IMPG1: variants seen among roughly 807,000 people sequenced by gnomAD.
IMPG1 encodes interphotoreceptor matrix proteoglycan 1.
A neutral mutation model predicts 92.0 loss-of-function variants in IMPG1; 85 were observed. The ratio of observed to expected loss-of-function variants is 0.92; its 90% CI spans 0.78 to 1.11. The LOEUF is 1.11. Among genes scored for constraint, IMPG1 ranks in the 50% least tolerant of loss-of-function variants. The pLI is 0.00. For missense variants in IMPG1, 1,022 were observed against 956.0 expected (o/e 1.07, Z -0.91); for synonymous variants, 367 against 334.1 (o/e 1.10, Z -1.08).
chr6:75,973,299 C>CG (rs1782453777), intron 12 of IMPG1, among the ~76,000 whole-genome samples: 1 of 130,702 alleles, frequency 7.7e-6, no homozygotes, highest in Non-Finnish European at 1.7e-5. Flanking sequence ...CTTTCCCCCC[C>CG]GCCCAAAACT....
chr6:76,005,484 G>T lies in IMPG1; in HGVS notation c.938C>A (p.Ala313Glu). ...QLTAIFKRHS[A>E]EAKSPASDLL... ...GTCACTTGCAGGGCTTTTTGCTTCTGCACTGTGTCTCTTAAAGATGGCCGT... is the reference window on the plus strand; with the variant it reads ...GTCACTTGCAGGGCTTTTTGCTTCTTCACTGTGTCTCTTAAAGATGGCCGT... The change falls in exon 10 of 17, where the codon GCA becomes GAA. Residue 313 changes from alanine to glutamate, a missense_variant. Around this residue, in one of 3 missense-constraint regions of IMPG1, gnomAD observed 681 missense variants for 583.6 expected, o/e 1.17. Transcript: ENST00000369950. The T allele has an allele frequency of 6.2e-7, 1 of 1,613,898 alleles. No homozygotes were observed. Among genetic ancestry groups the T allele is most frequent in the Non-Finnish European group, 8.5e-7 (1 of 1,179,900 alleles).
intron 13 of IMPG1, among the ~76,000 whole-genome samples, chr6:75,947,971 C>T (rs1195089172): frequency 1.3e-5 from 2 of 152,160 alleles, no homozygotes; most frequent in Admixed American, 6.5e-5. Flanking sequence ...TTTGAAATGA[C>T]CTATTAAAAC....
chr6:75,974,521 A>G (rs1184108414), intron 12 of IMPG1, among the ~76,000 whole-genome samples: 16 of 144,104 alleles, frequency 1.1e-4, no homozygotes, highest in African/African-American at 3.9e-4. Context: ...CCAGGCTGGA[A>G]TGCAATGGCG....
chr6:75,962,483 C>T (rs373978708), intron 12 of IMPG1, among the ~76,000 whole-genome samples: 4 of 152,180 alleles, frequency 2.6e-5, no homozygotes, highest in East Asian at 1.9e-4. Flanking sequence ...TACCAAATTT[C>T]TTAACCTGAC....
chr6:75,990,309 C>T (rs1782793198), intron 12 of IMPG1, among the ~76,000 whole-genome samples: 2 of 152,144 alleles, frequency 1.3e-5, no homozygotes, highest in African/African-American at 4.8e-5. Context: ...AACGGGCCAA[C>T]TAGCAATGAA....
rs753636102 is a variant in IMPG1, at chr6:75,950,675, G to A, written c.1711C>T (p.Arg571Ter). ...TSSMTIAPKG[R>*]ELVVFFSLRV... ...AGACTGAAGAACACTACCAGCTCTC[G>A]GCCCTTGGGGGCAATGGTCATAGAA... Residue 571 changes from arginine to a stop codon, truncating the protein, a stop_gained, in exon 13 of 17, where the codon CGA (arginine) becomes TGA (stop). Coordinates refer to ENST00000369950, the MANE Select transcript of IMPG1 (RefSeq NM_001563.4). LOFTEE classifies it high-confidence loss of function. 7.4e-6 allele frequency: 12 copies of A among 1,613,696 alleles called. No homozygotes were observed. The highest frequency in any genetic ancestry group is 1.7e-5 in the Admixed American group (1 of 59,946).
rs1273460086 is a variant in IMPG1, at chr6:76,003,866, A to C, written c.1212+8T>G. The C allele has an allele frequency of 6.2e-7, 1 of 1,607,232 alleles. No homozygotes were observed. Among genetic ancestry groups the C allele is most frequent in the South Asian group, 1.1e-5 (1 of 90,176 alleles). On this transcript the variant is annotated splice_region_variant and intron_variant, in intron 11 of 16. Transcript: ENST00000369950. ...CCTAGTTAAAGAACAAAAGGACAAC[A>C]AACTTACCTCTGTTATAACAGCAAA...
intron 12 of IMPG1, among the ~76,000 whole-genome samples, chr6:75,975,861 G>A (rs1426326366): frequency 6.6e-6 from 1 of 152,082 alleles, no homozygotes; most frequent in Non-Finnish European, 1.5e-5. Flanking sequence ...TAAGTGAATG[G>A]GCATGGCTAC....
At chr6:75,951,174 GCTTAA>G (rs1301861874) in intron 12 of IMPG1, 80 bp from the exon 13 acceptor site, 14 of 1,084,556 alleles carry the variant, frequency 1.3e-5, no homozygotes, top group East Asian at 1.2e-4. Context: ...CCAAAATTAA[GCTTAA>G]CTTAAGAAAA....
At chr6:76,045,064 G>T (rs1196983963) in intron 1 of IMPG1, among the ~76,000 whole-genome samples, 4 of 152,168 alleles carry the variant, frequency 2.6e-5, no homozygotes, top group African/African-American at 9.7e-5. Context: ...GTCTACAAGG[G>T]TGAATTAGGG....
At chr6:76,012,927 G>C (rs1021124313) in intron 7 of IMPG1, among the ~76,000 whole-genome samples, 10 of 152,038 alleles carry the variant, frequency 6.6e-5, no homozygotes, top group African/African-American at 2.2e-4. Flanking sequence ...AGCATCCCTA[G>C]ATACCTTCCC....
At position 75,950,631 on chromosome 6, in the gene IMPG1, G is replaced by T; in HGVS notation, c.1755C>A (p.Ala585=). Reference sequence around the variant, plus strand: ...TCTTGTTGAACAGGTCGTTGGAGAAGGCCATGTTAGCAACACGCAGACTGA... The same window carrying T: ...TCTTGTTGAACAGGTCGTTGGAGAATGCCATGTTAGCAACACGCAGACTGA... The part of the protein sequence containing the change: ...VFFSLRVANM[A]FSNDLFNKSS... The change falls in exon 13 of 17, where the codon GCC becomes GCA. Residue 585 remains alanine (A), a synonymous_variant. Transcript: ENST00000369950. The T allele has an allele frequency of 6.2e-7, 1 of 1,613,866 alleles. No individual in the cohort carries two copies. The highest frequency in any genetic ancestry group is 8.5e-7 in the Non-Finnish European group (1 of 1,179,862).
chr6:76,002,490 C>T (rs1196598997), intron 12 of IMPG1, among the ~76,000 whole-genome samples: 1 of 152,190 alleles, frequency 6.6e-6, no homozygotes, highest in African/African-American at 2.4e-5. Context: ...GTAAAAGGCA[C>T]AGGAATACAT....
In IMPG1 at chr6:75,998,950, A is replaced by G. The variant is rs112947641; in HGVS notation, c.1291+3968T>C. 9.7e-3 allele frequency among the ~76,000 whole-genome samples: 1,478 copies of G among 152,220 alleles called. 29 individuals carry two copies. Among genetic ancestry groups the G allele is most frequent in the African/African-American group, 0.034 (1,402 of 41,534 alleles). On this transcript the variant is annotated intron_variant, in intron 12 of 16. Transcript: ENST00000369950. The stretch of plus-strand genomic sequence containing the variant: ...TGGCTCACTGCAACCTCTGCCTCCC[A>G]GGTTCAAGCAATTCTCTTGCCTCAG...
Position 76,041,941 on chromosome 6 carries a change from A to T in IMPG1, c.253T>A (p.Ser85Thr). 1 of 1,613,964 alleles carries T rather than the reference A, an allele frequency of 6.2e-7. No homozygotes were observed. The highest frequency in any genetic ancestry group is 8.5e-7 in the Non-Finnish European group (1 of 1,179,856). Residue 85 changes from serine (S) to threonine (T), a missense_variant, in exon 2 of 17, where the codon TCC becomes ACC. Physicochemically the swap from Ser to Thr is moderately conservative, Grantham distance 58. Transcript: ENST00000369950. ...AGACTGTCTAAAATCTGTTTCATGG[A>T]TTCCTGTGGACAGACTTTAACCCCC... ...PTGVKVCPQE[S>T]MKQILDSLQA...
intron 15 of IMPG1, among the ~76,000 whole-genome samples, chr6:75,926,932 T>C (rs1781563755): frequency 1.3e-5 from 2 of 152,208 alleles, no homozygotes; most frequent in South Asian, 2.1e-4. Flanking sequence ...TGTGTGTCAA[T>C]GGTAGTCTTC....
chr6:76,014,774 C>A (rs928898100), intron 7 of IMPG1, among the ~76,000 whole-genome samples: 1 of 152,078 alleles, frequency 6.6e-6, no homozygotes, highest in African/African-American at 2.4e-5. Flanking sequence ...GGGAGCACTG[C>A]GGGGGAGAGC....
intron 7 of IMPG1, among the ~76,000 whole-genome samples, chr6:76,015,222 T>C (rs924702998): frequency 2.0e-5 from 3 of 152,234 alleles, no homozygotes; most frequent in Admixed American, 2.0e-4. Flanking sequence ...ATTAAATTAC[T>C]GCGAAGCACT....
chr6:76,063,084 G>A (rs1030090726), intron 1 of IMPG1, among the ~76,000 whole-genome samples: 13 of 152,004 alleles, frequency 8.6e-5, no homozygotes, highest in Non-Finnish European at 1.8e-4. Flanking sequence ...GGCACCTGTA[G>A]TCACAGCTAC....
Sources: allele counts gnomAD v4.1 joint callset (sites outside exome capture counted in the v4.1 genomes callset), GRCh38; gene constraint gnomAD v4.1.1; regional missense constraint gnomAD v4.1.1; transcripts MANE v1.5; gene names NCBI Gene and HGNC (gene_info 2026-07-23, HGNC 2026-07-21).